PNPLA1: variants seen among roughly 807,000 people sequenced by gnomAD.
PNPLA1 encodes omega-hydroxyceramide transacylase.
PNPLA1 carries 36 observed loss-of-function variants against 51.7 expected under a neutral mutation model. That is an observed-to-expected ratio of 0.70 (90% CI 0.53 to 0.92). The LOEUF is 0.92. PNPLA1 is among the 40% of genes least tolerant of loss of function. The pLI, the probability that PNPLA1 is intolerant of heterozygous loss-of-function variation, is 0.00. For synonymous variants in PNPLA1, 293 were observed against 280.1 expected, an observed-to-expected ratio of 1.05 and a Z score of -0.46; for missense variants, 658 against 682.5, an observed-to-expected ratio of 0.96 and a Z score of 0.40.
intron 1 of PNPLA1, among the ~76,000 whole-genome samples, chr6:36,258,280 A>G (rs140994731): frequency 0.013 from 2,011 of 152,204 alleles, 42 homozygotes; most frequent in African/African-American, 0.045. Context: ...TTCCTTCCTC[A>G]CTTTCCAGCT....
At position 36,312,199 on chromosome 6, in the gene PNPLA1, A is replaced by G. The variant is rs1771422065; in HGVS notation, c.*313A>G. 1 of 152,226 alleles carries G rather than the reference A, an allele frequency of 6.6e-6. No homozygotes were observed. Among genetic ancestry groups the G allele is most frequent in the Non-Finnish European group, 1.5e-5 (1 of 68,046 alleles). 9.4% of individuals were successfully genotyped at this position (152,226 alleles called of 1,614,324 possible). A position where few individuals can be genotyped will look rare whatever the true frequency, so the allele number is the denominator to read the frequency against. On this transcript the variant is annotated 3_prime_UTR_variant, in exon 9 of 9. Transcript: ENST00000636260. Reference sequence around the variant, plus strand: ...GAATCGCCTACCCCTTTTATATGGCACTGTACCCTTGTATAGTGTAAAATC... The same window carrying G: ...GAATCGCCTACCCCTTTTATATGGCGCTGTACCCTTGTATAGTGTAAAATC...
At chr6:36,282,605 G>A (rs1337743173) in intron 1 of PNPLA1, among the ~76,000 whole-genome samples, 1 of 152,336 alleles carries the variant, frequency 6.6e-6, no homozygotes, top group Non-Finnish European at 1.5e-5. Context: ...GGTATCAGCA[G>A]GTGCTAACTG....
rs1771060622 is a variant in PNPLA1, at chr6:36,301,874, T to C, written c.789T>C (p.Leu263=). ...LYLRRLNAVY[L]NSSSKRVIFP... Reference sequence around the variant, plus strand: ...TGTTTATCCTAGATGCTGTTTATCTTAATTCTTCCTCCAAGAGAGTGATTT... The same window carrying C: ...TGTTTATCCTAGATGCTGTTTATCTCAATTCTTCCTCCAAGAGAGTGATTT... Residue 263 remains leucine, a synonymous_variant, in exon 6 of 9, where the codon CTT becomes CTC. Coordinates refer to ENST00000636260, the MANE Select transcript of PNPLA1 (RefSeq NM_001374623.1). 3.1e-6 allele frequency: 5 copies of C among 1,613,688 alleles called. No homozygotes were observed. The highest frequency in any genetic ancestry group is 1.7e-5 in the Admixed American group (1 of 60,016).
chr6:36,248,523 C>T (rs1310006431), intron 1 of PNPLA1, among the ~76,000 whole-genome samples: 2 of 151,482 alleles, frequency 1.3e-5, no homozygotes, highest in Non-Finnish European at 1.5e-5. Flanking sequence ...AATAACTTCT[C>T]ATTTTTTTTT....
intron 1 of PNPLA1, among the ~76,000 whole-genome samples, 156 bp downstream of exon 1, chr6:36,270,820 C>A (rs752290397): frequency 2.0e-5 from 3 of 152,130 alleles, no homozygotes; most frequent in Non-Finnish European, 4.4e-5. Context: ...ATAGCGGCAG[C>A]TGTGACGTTT....
intron 1 of PNPLA1, among the ~76,000 whole-genome samples, chr6:36,290,862 G>C (rs1338884280): frequency 6.6e-6 from 1 of 152,186 alleles, no homozygotes; most frequent in East Asian, 1.9e-4. Context: ...CACCAAGCAA[G>C]TATCCCAGGG....
Position 36,312,382 on chromosome 6 carries a change from T to G in PNPLA1, c.*496T>G, listed in dbSNP as rs1406289172. Among the ~76,000 whole-genome samples the G allele has an allele frequency of 1.3e-5, 2 of 152,224 alleles. No homozygotes were observed. Among genetic ancestry groups the G allele is most frequent in the East Asian group, 3.8e-4 (2 of 5,196 alleles). ...ATTTGCAAGCAGCAAAAGACCCCTG[T>G]GTAATGAAATGAACCCCCTAACTGG... On this transcript the variant is annotated 3_prime_UTR_variant, in exon 9 of 9. Transcript: ENST00000636260.
rs1473536756 is a variant in PNPLA1 at position 36,270,634 on chromosome 6, G to A, written c.175G>A (p.Ala59Thr). The change falls in exon 1 of 9, where the codon GCC becomes ACC. Residue 59 changes from alanine (A) to threonine (T), a missense_variant. By Grantham distance (58) the Ala-to-Thr change is moderately conservative. Coordinates refer to ENST00000636260, the MANE Select transcript of PNPLA1 (RefSeq NM_001374623.1). ...GGGGACATCGGCAGGTGCTGTGATC[G>A]CCGCCCTGGCCATCTGCGGGATTGA... ...FAGTSAGAVIAALAICGIEMD... is the reference protein window; with the variant it reads ...FAGTSAGAVITALAICGIEMD... 4.5e-6 allele frequency: 7 copies of A among 1,551,234 alleles called. No homozygotes were observed. The highest frequency in any genetic ancestry group is 1.2e-5 in the South Asian group (1 of 84,052).
chr6:36,286,372 C>A (rs1205691267), intron 1 of PNPLA1, among the ~76,000 whole-genome samples: 1 of 152,106 alleles, frequency 6.6e-6, no homozygotes, highest in African/African-American at 2.4e-5. Flanking sequence ...AATCCCCACA[C>A]TTTGGGAGGC....
rs1359424938 is a variant in PNPLA1, at chr6:36,312,148, A to T, written c.*262A>T. ...GACAACTGCTAGAAAACTACAAAGA[A>T]CATGCACAGACATGCATAAGTCTGC... On this transcript the variant is annotated 3_prime_UTR_variant, in exon 9 of 9. Transcript: ENST00000636260. The T allele has an allele frequency of 6.6e-6, 1 of 152,194 alleles. No homozygotes were observed. Among genetic ancestry groups the T allele is most frequent in the East Asian group, 1.9e-4 (1 of 5,196 alleles). The allele number at this position is 152,194 out of a possible 1,614,324, so 9.4% of individuals were successfully genotyped here. A position where few individuals can be genotyped will look rare whatever the true frequency, so the allele number is the denominator to read the frequency against.
At position 36,270,403 on chromosome 6, in the gene PNPLA1, G is replaced by C; in HGVS notation, c.-57G>C. The stretch of plus-strand genomic sequence containing the variant: ...TACAGGGAGCGGCAGCCCAGGCTCG[G>C]GCAGGCAAGTGCTGAAGGGTGGCTC... On this transcript the variant is annotated 5_prime_UTR_variant, in exon 1 of 9. Transcript: ENST00000636260. 1 of 1,532,498 alleles carries C rather than the reference G, an allele frequency of 6.5e-7. No individual in the cohort carries two copies. The highest frequency in any genetic ancestry group is 8.8e-7 in the Non-Finnish European group (1 of 1,131,780). The allele number at this position is 1,532,498 out of a possible 1,614,324, so 94.9% of individuals were successfully genotyped here. A position where few individuals can be genotyped will look rare whatever the true frequency, so the allele number is the denominator to read the frequency against.
intron 1 of PNPLA1, among the ~76,000 whole-genome samples, chr6:36,276,189 C>A (rs994909972): frequency 1.3e-5 from 2 of 152,118 alleles, no homozygotes; most frequent in East Asian, 3.9e-4. Flanking sequence ...GAACTCCTCA[C>A]CTTAAGCAAT....
chr6:36,307,914 C>T, intron 8 of PNPLA1: 1 of 516,850 alleles, frequency 1.9e-6, no homozygotes, highest in African/African-American at 1.9e-5. Flanking sequence ...CACTTGCTCT[C>T]CCTGAGCCTC....
intron 1 of PNPLA1, among the ~76,000 whole-genome samples, chr6:36,286,486 C>T (rs1481109058): frequency 8.6e-5 from 13 of 151,856 alleles, no homozygotes; most frequent in Non-Finnish European, 1.9e-4. Flanking sequence ...TATGGTGGCA[C>T]ATGCTGTAGT....
chr6:36,313,029 G>A lies in PNPLA1; in HGVS notation c.*1143G>A, dbSNP rs1771440018. Among the ~76,000 whole-genome samples the A allele has an allele frequency of 6.6e-6, 1 of 152,176 alleles. No individual in the cohort carries two copies. The highest frequency in any genetic ancestry group is 2.1e-4 in the South Asian group (1 of 4,826). On this transcript the variant is annotated 3_prime_UTR_variant, in exon 9 of 9. Coordinates refer to ENST00000636260, the MANE Select transcript of PNPLA1 (RefSeq NM_001374623.1). The stretch of plus-strand genomic sequence containing the variant: ...ATTCTTACAGTGTACTAACGGCTTG[G>A]CCTGAGCTGGTCACTGGAATCGCTG...
chr6:36,247,468 C>T (rs1045547213), intron 1 of PNPLA1, among the ~76,000 whole-genome samples: 1 of 152,218 alleles, frequency 6.6e-6, no homozygotes, highest in African/African-American at 2.4e-5. Flanking sequence ...ATGTTGACCC[C>T]ACGGGGACAG....
intron 1 of PNPLA1, among the ~76,000 whole-genome samples, chr6:36,254,844 G>A (rs534761419): frequency 1.3e-5 from 2 of 152,196 alleles, no homozygotes; most frequent in African/African-American, 4.8e-5. Context: ...CTGGGGCACA[G>A]GATAGCCCTG....
At chr6:36,306,871 G>A (rs1417192088) in intron 7 of PNPLA1, among the ~76,000 whole-genome samples, 1 of 152,134 alleles carries the variant, frequency 6.6e-6, no homozygotes, top group Non-Finnish European at 1.5e-5. Flanking sequence ...TTTTTATTAT[G>A]CACATCAAGT....
chr6:36,297,930 G>A (rs112694420), intron 5 of PNPLA1, among the ~76,000 whole-genome samples: 4 of 151,300 alleles, frequency 2.6e-5, no homozygotes, highest in South Asian at 2.1e-4. Context: ...TGAATAATTC[G>A]TCATCCCCAA....
Sources: gnomAD v4.1 joint callset for allele counts (sites outside exome capture counted in the v4.1 genomes callset) on GRCh38, gnomAD v4.1.1 for gene constraint, MANE v1.5 for transcripts, NCBI Gene and HGNC (gene_info 2026-07-23, HGNC 2026-07-21) for gene names.